KCP: variants seen among roughly 807,000 people sequenced by gnomAD.
KCP encodes the protein kielin/chordin-like protein.
A neutral mutation model predicts 212.7 loss-of-function variants in KCP; 194 were observed. The observed-to-expected ratio is 0.91, with a 90% CI of 0.81 to 1.03. KCP has a LOEUF of 1.03. KCP is among the 50% of genes least tolerant of loss of function. The pLI, the probability that KCP is intolerant of heterozygous loss-of-function variation, is 0.00. For synonymous variants in KCP, 833 were observed against 865.3 expected (o/e 0.96, Z 0.65); for missense variants, 2,080 against 2,162.5 (o/e 0.96, Z 0.76).
At chr7:128,882,155 G>A (rs977751599) in intron 29 of KCP, 139 bp from the exon 30 acceptor site, 1 of 620,292 alleles carries the variant, frequency 1.6e-6, no homozygotes. Flanking sequence ...TTGACTCCAG[G>A]GAGGATAAGT....
intron 7 of KCP, chr7:128,903,107 C>T (rs1443335013): frequency 3.6e-6 from 2 of 553,522 alleles, no homozygotes; most frequent in Admixed American, 6.5e-5. Context: ...ATGTGCCCCA[C>T]CTATCTCTGG....
In KCP at chr7:128,879,608, C is replaced by A; in HGVS notation, c.4060G>T (p.Val1354Leu). ...DGAVTVDGHPVALPFLQEPLL... is the reference protein window; with the variant it reads ...DGAVTVDGHPLALPFLQEPLL... ...GGCTCCTGCAGGAAGGGCAAGGCCA[C>A]CGGGTGCCCATCCACCTGGAGGATA... is the stretch of plus-strand genomic sequence containing the variant. The change falls in exon 37 of 40, where the codon GTG becomes TTG. Residue 1354 changes from valine to leucine, a missense_variant. Val to Leu is a conservative substitution (Grantham distance 32, BLOSUM62 1). Coordinates refer to ENST00000610776, the MANE Select transcript of KCP (RefSeq NM_001366122.1). 6.4e-7 allele frequency: 1 copy of A among 1,550,550 alleles called. No individual in the cohort carries two copies. Among genetic ancestry groups the A allele is most frequent in the Non-Finnish European group, 8.7e-7 (1 of 1,146,958 alleles).
chr7:128,898,600 A>G (rs1049198777), intron 8 of KCP, among the ~76,000 whole-genome samples: 5 of 152,248 alleles, frequency 3.3e-5, no homozygotes, highest in African/African-American at 1.2e-4. Context: ...AGACTACTGA[A>G]AAAGCAGTTC....
intron 8 of KCP, among the ~76,000 whole-genome samples, chr7:128,899,572 T>A (rs972676103): frequency 2.0e-5 from 3 of 152,200 alleles, no homozygotes; most frequent in African/African-American, 7.2e-5. Context: ...TTTGTTTTGT[T>A]TTTCATAGTC....
chr7:128,879,556 T>C lies in KCP; in HGVS notation c.4112A>G (p.His1371Arg), dbSNP rs139868146. ...EPLLYVELRG[H>R]TVILHAQPGL... is the part of the protein sequence containing the mutation. ...GGGCTGGGCGTGCAGGATCACAGTGTGTCCTCGCAGCTCCACATACAGCAG... is the reference window on the plus strand; with the variant it reads ...GGGCTGGGCGTGCAGGATCACAGTGCGTCCTCGCAGCTCCACATACAGCAG... The change falls in exon 37 of 40, where the codon CAC (histidine) becomes CGC (arginine). Residue 1371 changes from histidine (H) to arginine (R), a missense_variant. By Grantham distance (29) the His-to-Arg change is conservative. Transcript: ENST00000610776. 5.8e-4 allele frequency: 905 copies of C among 1,550,220 alleles called. 9 individuals carry two copies. The African/African-American group carries it at 0.011, about 19-fold the overall frequency.
intron 24 of KCP, 35 bp downstream of exon 24, chr7:128,886,841 G>A (rs1475705187): frequency 7.1e-7 from 1 of 1,405,994 alleles, no homozygotes; most frequent in South Asian, 1.2e-5. Flanking sequence ...AGGCGGGGAA[G>A]GGCATGGGGG....
Position 128,884,767 on chromosome 7 carries a change from G to C in KCP, c.3123+14C>G. 1 of 1,550,650 alleles carries C rather than the reference G, an allele frequency of 6.4e-7. No homozygotes were observed. Among genetic ancestry groups the C allele is most frequent in the Non-Finnish European group, 8.7e-7 (1 of 1,146,762 alleles). On this transcript the variant is annotated intron_variant, in intron 28 of 39. Coordinates refer to ENST00000610776, the MANE Select transcript of KCP (RefSeq NM_001366122.1). ...GACGAGGTGCCCCAGCCCCACCACT[G>C]TGCCCTCACCTACCTCGCAGATGCA...
chr7:128,908,427 T>C lies in KCP; in HGVS notation c.218A>G (p.Gln73Arg). ...LEAAVMELRE[Q>R]NKDLQTRVRQ... The stretch of plus-strand genomic sequence containing the variant: ...AAACCAGCACTGTCTCCATGGTACC[T>C]GTTCTCTGAGCTCCATCACTGCAGC... Residue 73 changes from glutamine to arginine, a missense_variant and splice_region_variant, in exon 2 of 40, where the codon CAG becomes CGG. Transcript: ENST00000610776. 11 of 1,551,306 alleles carry C rather than the reference T, an allele frequency of 7.1e-6. No individual in the cohort carries two copies. Among genetic ancestry groups the C allele is most frequent in the Non-Finnish European group, 9.6e-6 (11 of 1,146,768 alleles).
intron 26 of KCP, among the ~76,000 whole-genome samples, 180 bp downstream of exon 26, chr7:128,886,284 T>C (rs1793638610): frequency 6.6e-6 from 1 of 151,880 alleles, no homozygotes; most frequent in South Asian, 2.1e-4. Context: ...AGAGGGATGG[T>C]CTGGGCAGTC....
rs1336517542 is a variant in KCP, at chr7:128,885,212, A to G, written c.2925T>C (p.Ser975=). ...PEGSRWVPPD[S]ACSSCVCHEG... is the part of the protein sequence containing the mutation. ...CGTGACACACACAGGAGGAGCAGGC[A>G]CTGTCGGGGGGCACCCATCTACTGC... Residue 975 remains serine, a synonymous_variant, in exon 27 of 40, where the codon AGT becomes AGC. Transcript: ENST00000610776. 8 of 1,550,820 alleles carry G rather than the reference A, an allele frequency of 5.2e-6. No individual in the cohort carries two copies. The highest frequency in any genetic ancestry group is 7.0e-6 in the Non-Finnish European group (8 of 1,146,944).
chr7:128,890,845 C>T (rs1285062390), intron 20 of KCP, 60 bp downstream of exon 20: 8 of 1,197,538 alleles, frequency 6.7e-6, no homozygotes, highest in Non-Finnish European at 5.3e-6. Context: ...GCAGGGCGCT[C>T]CGGGGCGGGG....
intron 28 of KCP, 149 bp downstream of exon 28, chr7:128,884,632 C>T (rs1029452369): frequency 1.1e-5 from 8 of 755,256 alleles, no homozygotes; most frequent in African/African-American, 3.4e-5. Flanking sequence ...TTGGCCCCAA[C>T]CCTGCCTTGT....
intron 8 of KCP, 85 bp downstream of exon 8, chr7:128,902,692 C>A: frequency 2.4e-6 from 3 of 1,268,988 alleles, no homozygotes; most frequent in Non-Finnish European, 3.4e-6. Context: ...AACACCTCTG[C>A]GAAGTACTCC....
chr7:128,904,295 A>C, intron 5 of KCP, 157 bp from the exon 6 acceptor site: 2 of 1,552,702 alleles, frequency 1.3e-6, no homozygotes, highest in Non-Finnish European at 1.7e-6. Context: ...GGGCCGGCAG[A>C]TGGGGCAGCA....
Position 128,906,351 on chromosome 7 carries a change from T to C in KCP, c.499A>G (p.Thr167Ala), listed in dbSNP as rs923110385. ...CTTGGGCATGGCTTCTGGTTGCAAGTGATGGTACCTTCCTGTGGGAGCAGA... is the reference window on the plus strand; with the variant it reads ...CTTGGGCATGGCTTCTGGTTGCAAGCGATGGTACCTTCCTGTGGGAGCAGA... Reference protein sequence around the residue: ...TTCRCLEGTITCNQKPCPRGP... With the variant: ...TTCRCLEGTIACNQKPCPRGP... The change falls in exon 5 of 40, where the codon ACT becomes GCT. Residue 167 changes from threonine (T) to alanine (A), a missense_variant. By Grantham distance (58) the Thr-to-Ala change is moderately conservative. Coordinates refer to ENST00000610776, the MANE Select transcript of KCP (RefSeq NM_001366122.1). 1 of 1,549,172 alleles carries C rather than the reference T, an allele frequency of 6.5e-7. No homozygotes were observed. The highest frequency in any genetic ancestry group is 1.4e-5 in the African/African-American group (1 of 72,950).
intron 9 of KCP, 43 bp downstream of exon 9, chr7:128,894,157 G>T: frequency 6.6e-7 from 1 of 1,509,996 alleles, no homozygotes; most frequent in South Asian, 1.3e-5. Context: ...TTTTCTCCAG[G>T]TTGCCCACCA....
intron 37 of KCP, 81 bp downstream of exon 37, chr7:128,879,440 CA>C: frequency 8.1e-7 from 1 of 1,229,696 alleles, no homozygotes. Flanking sequence ...CTGGCATCCC[CA>C]CCCCCTCTAC....
intron 26 of KCP, among the ~76,000 whole-genome samples, chr7:128,886,097 C>T (rs1429802315): frequency 6.6e-6 from 1 of 152,102 alleles, no homozygotes; most frequent in African/African-American, 2.4e-5. Flanking sequence ...TAGACAGAGT[C>T]TTCTTTGTTG....
chr7:128,891,218 G>A lies in KCP; in HGVS notation c.1939C>T (p.Leu647=), dbSNP rs1417243105. 1 of 1,545,816 alleles carries A rather than the reference G, an allele frequency of 6.5e-7. No individual in the cohort carries two copies. The highest frequency in any genetic ancestry group is 8.7e-7 in the Non-Finnish European group (1 of 1,146,664). ...CVPLPCPEPV[L]LPGECCPQCP... ...TGCGGGCAGCACTCTCCCGGCAGCA[G>A]GACAGGCTCTGGACAGGGCAGCGGC... The change falls in exon 19 of 40, where the codon CTG becomes TTG. Residue 647 remains leucine, a synonymous_variant. Coordinates refer to ENST00000610776, the MANE Select transcript of KCP (RefSeq NM_001366122.1).
Sources: allele counts gnomAD v4.1 joint callset (sites outside exome capture counted in the v4.1 genomes callset), GRCh38; gene constraint gnomAD v4.1.1; transcripts MANE v1.5; gene names NCBI Gene and HGNC (gene_info 2026-07-23, HGNC 2026-07-21).